BCL2L13: variants seen among roughly 807,000 people sequenced by gnomAD.
BCL2L13 encodes bcl-2-like protein 13.
Under a neutral mutation model 25.8 loss-of-function variants are expected in BCL2L13, and 13 were observed. The ratio of observed to expected loss-of-function variants is 0.50; its 90% CI spans 0.33 to 0.80. The LOEUF is 0.80. BCL2L13 is among the 30% of genes least tolerant of loss of function. The pLI is 0.02. For synonymous variants in BCL2L13, 244 were observed against 230.3 expected (o/e 1.06, Z -0.54); for missense variants, 504 against 574.9 (o/e 0.88, Z 1.26).
At chr22:17,642,566 C>T (rs911869237) in intron 1 of BCL2L13, among the ~76,000 whole-genome samples, 5 of 151,850 alleles carry the variant, frequency 3.3e-5, no homozygotes, top group Non-Finnish European at 7.4e-5. Flanking sequence ...ATTGTGTGGA[C>T]ATACCACATT....
intron 2 of BCL2L13, among the ~76,000 whole-genome samples, chr22:17,680,073 G>A (rs1454684364): frequency 6.6e-6 from 1 of 151,900 alleles, no homozygotes; most frequent in Non-Finnish European, 1.5e-5. Context: ...AATTAGCCGG[G>A]CGTGTTGGCA....
At chr22:17,683,431 C>A (rs1293614227) in intron 3 of BCL2L13, 110 bp downstream of exon 3, 2 of 620,240 alleles carry the variant, frequency 3.2e-6, no homozygotes, top group South Asian at 2.1e-5. Context: ...TAACAACTTA[C>A]ACCAATTATA....
upstream of BCL2L13, among the ~76,000 whole-genome samples, chr22:17,635,803 G>A (rs555964237): frequency 1.7e-3 from 257 of 151,838 alleles, 1 homozygote; most frequent in African/African-American, 5.5e-3. Flanking sequence ...TCCGCCTCCC[G>A]GGTTCAAGTG....
intron 2 of BCL2L13, among the ~76,000 whole-genome samples, chr22:17,664,802 G>T (rs62240487): frequency 6.6e-6 from 1 of 152,126 alleles, no homozygotes; most frequent in East Asian, 1.9e-4. Flanking sequence ...GCCATTTCCC[G>T]AGCTGTACCT....
intron 1 of BCL2L13, among the ~76,000 whole-genome samples, chr22:17,646,210 G>GT (rs542302711): frequency 1.0e-3 from 153 of 151,582 alleles, no homozygotes; most frequent in Non-Finnish European, 1.6e-3. Flanking sequence ...TACATATTAT[G>GT]TTTAATAGTT....
At position 17,730,679 on chromosome 22, in the gene BCL2L13, T is replaced by C. The variant is rs2061383387; in HGVS notation, c.*3145T>C. ...CCACACAAACTTATCTTTCCAAGAA[T>C]TTGAGGTGGTGATCATACCCATCAA... On this transcript the variant is annotated 3_prime_UTR_variant, in exon 7 of 7. Coordinates refer to ENST00000317582, the MANE Select transcript of BCL2L13 (RefSeq NM_015367.4). 1 of 152,210 alleles carries C rather than the reference T, an allele frequency of 6.6e-6. No individual in the cohort carries two copies. The highest frequency in any genetic ancestry group is 2.1e-4 in the South Asian group (1 of 4,830). The allele number at this position is 152,210 out of a possible 1,614,324, so 9.4% of individuals were successfully genotyped here.
chr22:17,630,850 C>T (rs1232891421), intron 1 of BCL2L13, among the ~76,000 whole-genome samples: 1 of 151,610 alleles, frequency 6.6e-6, no homozygotes, highest in Non-Finnish European at 1.5e-5. Context: ...CTCCACCTCC[C>T]AAAGTGCTGG....
intron 5 of BCL2L13, among the ~76,000 whole-genome samples, chr22:17,698,141 G>A (rs1452598494): frequency 3.3e-5 from 5 of 150,526 alleles, no homozygotes; most frequent in Non-Finnish European, 4.4e-5. Flanking sequence ...TTGGAGTCTC[G>A]CTTTGTTGTC....
chr22:17,678,188 A>G (rs887393670), intron 2 of BCL2L13, among the ~76,000 whole-genome samples: 2 of 152,050 alleles, frequency 1.3e-5, no homozygotes, highest in Admixed American at 1.3e-4. Context: ...GTGCTCAGCT[A>G]GTTTTTTTTA....
intron 6 of BCL2L13, chr22:17,703,830 CTATTGTAGTG>C (rs1227426523): frequency 6.6e-6 from 1 of 152,054 alleles, no homozygotes; most frequent in Non-Finnish European, 1.5e-5. Context: ...AAACCTTTGG[CTATTGTAGTG>C]TATGGTTTGT....
intron 1 of BCL2L13, among the ~76,000 whole-genome samples, chr22:17,646,074 C>G (rs2058462332): frequency 6.6e-6 from 1 of 151,380 alleles, no homozygotes; most frequent in Non-Finnish European, 1.5e-5. Flanking sequence ...ACTTGAGCAT[C>G]TGAGGATTTT....
chr22:17,712,324 C>T (rs1340292733), intron 6 of BCL2L13, among the ~76,000 whole-genome samples: 2 of 152,180 alleles, frequency 1.3e-5, no homozygotes, highest in African/African-American at 2.4e-5. Context: ...TCATCACTTT[C>T]CTGTTAGTGA....
chr22:17,693,361 A>AGTG (rs1437219483), intron 4 of BCL2L13, among the ~76,000 whole-genome samples: 1,519 of 78,782 alleles, frequency 0.019, 49 homozygotes, highest in East Asian at 0.035. Context: ...TTATTTATTT[A>AGTG]TTTAGTGTTT....
intron 4 of BCL2L13, among the ~76,000 whole-genome samples, chr22:17,693,429 G>T (rs1047868305): frequency 3.5e-5 from 5 of 143,528 alleles, no homozygotes; most frequent in Non-Finnish European, 6.0e-5. Context: ...ACCCAGGCTG[G>T]AGTGCAGTGG....
At chr22:17,641,949 G>A (rs1332432325) in intron 1 of BCL2L13, among the ~76,000 whole-genome samples, 3 of 151,480 alleles carry the variant, frequency 2.0e-5, no homozygotes, top group Admixed American at 1.3e-4. Context: ...ACAGGCGCCC[G>A]CCACCACGCC....
intron 3 of BCL2L13, among the ~76,000 whole-genome samples, chr22:17,683,844 C>CATTATTATT (rs57407987): frequency 9.1e-4 from 132 of 144,434 alleles, no homozygotes; most frequent in African/African-American, 2.3e-3. Flanking sequence ...TCAGTCATTC[C>CATTATTATT]ATTATTATTA....
At chr22:17,655,454 C>G (rs1359990240) in intron 1 of BCL2L13, among the ~76,000 whole-genome samples, 1 of 145,618 alleles carries the variant, frequency 6.9e-6, no homozygotes. Flanking sequence ...GAGAGGGAGT[C>G]TTGCTCTGTC....
chr22:17,630,537 G>A (rs986807189), intron 1 of BCL2L13, among the ~76,000 whole-genome samples: 6 of 150,784 alleles, frequency 4.0e-5, no homozygotes, highest in South Asian at 2.1e-4. Flanking sequence ...CTCGGCCTCC[G>A]AGAGTGCTGG....
chr22:17,650,753 G>T (rs1368201103), intron 1 of BCL2L13, among the ~76,000 whole-genome samples: 1 of 151,976 alleles, frequency 6.6e-6, no homozygotes, highest in Non-Finnish European at 1.5e-5. Context: ...TGTCACCCAG[G>T]CTGGAGTGCA....
Sources: gnomAD v4.1 joint callset for allele counts (sites outside exome capture counted in the v4.1 genomes callset) on GRCh38, gnomAD v4.1.1 for gene constraint, MANE v1.5 for transcripts, NCBI Gene and HGNC (gene_info 2026-07-23, HGNC 2026-07-21) for gene names.